Variants in TBC1D2 observed in about 807,000 individuals in gnomAD.
The protein encoded by TBC1D2 is TBC1 domain family member 2.
Under a neutral mutation model 91.1 loss-of-function variants are expected in TBC1D2, and 58 were observed. The observed-to-expected ratio is 0.64, with a 90% confidence interval of 0.52 to 0.79. The LOEUF is 0.79. Among genes scored for constraint, TBC1D2 ranks in the 30% least tolerant of loss-of-function variants. The probability of loss-of-function intolerance (pLI) is 0.00; values close to 1 mark genes in which losing one functional copy is unlikely to be tolerated. For synonymous variants in TBC1D2, 482 were observed against 511.5 expected (o/e 0.94, Z 0.78); for missense variants, 1,080 against 1,208.3 (o/e 0.89, Z 1.57).
chr9:98,233,300 C>T lies in TBC1D2; in HGVS notation c.781+116G>A, dbSNP rs1829416796. 2.2e-6 allele frequency: 3 copies of T among 1,393,082 alleles called. No individual in the cohort carries two copies. The African/African-American group carries it at 4.4e-5, about 20-fold the overall frequency. The allele number at this position is 1,393,082 out of a possible 1,614,324, so 86.3% of individuals were successfully genotyped here. A position where few individuals can be genotyped will look rare whatever the true frequency, so the allele number is the denominator to read the frequency against. On this transcript the variant is annotated intron_variant, in intron 4 of 12. Coordinates refer to ENST00000465784, the MANE Select transcript of TBC1D2 (RefSeq NM_001267571.2). ...ATGGTGTTTCAGTAAGTAGCCCAAG[C>T]CAACTAAGACACACACAAAAGCACA... is the stretch of plus-strand genomic sequence containing the variant.
intron 10 of TBC1D2, among the ~76,000 whole-genome samples, chr9:98,202,765 A>T (rs556912805): frequency 1.3e-5 from 2 of 152,266 alleles, no homozygotes; most frequent in Admixed American, 1.3e-4. Flanking sequence ...AAAATATGGA[A>T]AAAAGGGTCA....
In TBC1D2 at chr9:98,201,802, C is replaced by T. The variant is rs987588204; in HGVS notation, c.2272-138G>A. ...CAGGTCCTTTCCTGCCCAGGAGACA[C>T]CTCGGGGAGCCAGGGGCCAGTCTAG... On this transcript the variant is annotated intron_variant, in intron 10 of 12. Transcript: ENST00000465784. 1.3e-5 allele frequency: 10 copies of T among 786,970 alleles called. No individual in the cohort carries two copies. In the Admixed American group the frequency reaches 2.1e-4, roughly 16 times the overall value. The allele number at this position is 786,970 out of a possible 1,614,324, so 48.7% of individuals were successfully genotyped here.
chr9:98,203,500 A>G (rs1588027407), intron 9 of TBC1D2, 92 bp from the exon 10 acceptor site: 5 of 1,549,370 alleles, frequency 3.2e-6, no homozygotes, highest in South Asian at 2.4e-5. Flanking sequence ...TTCCAGGGGG[A>G]AAGTCCTTCC....
rs575312319 is a variant in TBC1D2 at position 98,229,155 on chromosome 9, A to G, written c.782-7T>C. On this transcript the variant is annotated splice_region_variant and splice_polypyrimidine_tract_variant and intron_variant, in intron 4 of 12. Transcript: ENST00000465784. Reference sequence around the variant, plus strand: ...GAATCCTCTGGCTCTCTCCCTGCTCAAGAGGAGAAACGCAGAAGTTATGAC... The same window carrying G: ...GAATCCTCTGGCTCTCTCCCTGCTCGAGAGGAGAAACGCAGAAGTTATGAC... 4.8e-5 allele frequency: 78 copies of G among 1,613,770 alleles called. No individual in the cohort carries two copies. The South Asian group carries it at 6.9e-4, about 14-fold the overall frequency.
chr9:98,201,158 T>C (rs977477220), intron 11 of TBC1D2, among the ~76,000 whole-genome samples: 8 of 152,026 alleles, frequency 5.3e-5, no homozygotes, highest in African/African-American at 1.5e-4. Context: ...TGAGCTCCGA[T>C]CTCTTAATCC....
chr9:98,226,991 A>C (rs1034725230), intron 5 of TBC1D2, among the ~76,000 whole-genome samples: 4 of 152,232 alleles, frequency 2.6e-5, no homozygotes, highest in African/African-American at 9.6e-5. Flanking sequence ...GTAATGTCTT[A>C]GAAAGAAAGG....
At chr9:98,217,718 T>G (rs1417277229) in intron 6 of TBC1D2, among the ~76,000 whole-genome samples, 1 of 151,096 alleles carries the variant, frequency 6.6e-6, no homozygotes, top group Non-Finnish European at 1.5e-5. Flanking sequence ...TCTTTTTTAT[T>G]TTTTTTTTAA....
Position 98,199,386 on chromosome 9 carries a change from C to T in TBC1D2, c.2782G>A (p.Ala928Thr). ...GGGGAGGGGAGGTGGCCAAGTCAGG[C>T]TTCCCCCTCCACCTCGTCCTCGCTG... ...CASEDEVEGE[A>T] Residue 928 changes from alanine to threonine, a missense_variant, in exon 13 of 13, where the codon GCC (alanine) becomes ACC (threonine). Transcript: ENST00000465784. The T allele has an allele frequency of 5.0e-6, 8 of 1,612,786 alleles. No individual in the cohort carries two copies. Among genetic ancestry groups the T allele is most frequent in the South Asian group, 1.1e-5 (1 of 91,024 alleles).
chr9:98,235,406 G>A (rs1829479394), intron 3 of TBC1D2: 1 of 484,060 alleles, frequency 2.1e-6, no homozygotes, highest in Non-Finnish European at 4.1e-6. Flanking sequence ...AAGCAAGAGA[G>A]AGATCTTTCT....
chr9:98,252,903 A>G (rs577588914), intron 1 of TBC1D2, among the ~76,000 whole-genome samples: 6 of 152,148 alleles, frequency 3.9e-5, no homozygotes, highest in Non-Finnish European at 8.8e-5. Flanking sequence ...ACTGGTGTGC[A>G]CTATGCAGGG....
At chr9:98,251,701 C>T (rs895179538) in intron 2 of TBC1D2, 84 bp downstream of exon 2, 2 of 1,459,550 alleles carry the variant, frequency 1.4e-6, no homozygotes, top group Non-Finnish European at 1.8e-6. Context: ...GCAGAGGGCT[C>T]CTCCCGCTCA....
intron 3 of TBC1D2, among the ~76,000 whole-genome samples, chr9:98,238,218 C>G (rs1219035426): frequency 7.3e-6 from 1 of 136,692 alleles, no homozygotes; most frequent in Non-Finnish European, 1.5e-5. Context: ...AATATTAAGT[C>G]TTTTGATTCA....
chr9:98,203,720 G>T (rs931612967), intron 9 of TBC1D2, among the ~76,000 whole-genome samples: 4 of 152,116 alleles, frequency 2.6e-5, no homozygotes, highest in South Asian at 2.1e-4. Flanking sequence ...ACCCCTGTAA[G>T]CCTCAGTCTC....
At chr9:98,224,512 G>T (rs1026589036) in intron 5 of TBC1D2, among the ~76,000 whole-genome samples, 2 of 151,898 alleles carry the variant, frequency 1.3e-5, no homozygotes, top group Non-Finnish European at 2.9e-5. Flanking sequence ...TGAACTCTTG[G>T]GCTCAAGAGA....
chr9:98,210,208 C>T (rs1003695936), intron 8 of TBC1D2, among the ~76,000 whole-genome samples: 1 of 152,168 alleles, frequency 6.6e-6, no homozygotes, highest in African/African-American at 2.4e-5. Flanking sequence ...CCAGGGCTGG[C>T]TCCAAAGCTC....
At chr9:98,206,328 ATT>A (rs1484864538) in intron 9 of TBC1D2, among the ~76,000 whole-genome samples, 2 of 152,232 alleles carry the variant, frequency 1.3e-5, no homozygotes, top group Non-Finnish European at 2.9e-5. Context: ...TGCATATCAA[ATT>A]TAAGTAAAAA....
chr9:98,213,892 G>A (rs1828910687), intron 6 of TBC1D2, among the ~76,000 whole-genome samples: 2 of 152,312 alleles, frequency 1.3e-5, no homozygotes, highest in Middle Eastern at 3.4e-3. Flanking sequence ...CCTTTTGCAA[G>A]TTGCCCATCC....
chr9:98,226,052 G>A (rs1554753801), intron 5 of TBC1D2, among the ~76,000 whole-genome samples: 1 of 152,238 alleles, frequency 6.6e-6, no homozygotes, highest in Non-Finnish European at 1.5e-5. Context: ...GGACTCTAAT[G>A]AGGGTCTCAG....
intron 5 of TBC1D2, among the ~76,000 whole-genome samples, chr9:98,221,938 G>A (rs911937379): frequency 1.3e-5 from 2 of 151,952 alleles, no homozygotes; most frequent in Non-Finnish European, 2.9e-5. Flanking sequence ...CCATGTTGCC[G>A]GGCTGGTCTC....
Sources: gnomAD v4.1 joint callset for allele counts (sites outside exome capture counted in the v4.1 genomes callset) on GRCh38, gnomAD v4.1.1 for gene constraint, MANE v1.5 for transcripts, NCBI Gene and HGNC (gene_info 2026-07-23, HGNC 2026-07-21) for gene names.